The following DAP3 variants were observed in gnomAD, a reference collection of about 807,000 sequenced individuals.
DAP3 encodes the protein death associated protein 3, also known as small ribosomal subunit protein mS29.
In DAP3, 28 loss-of-function variants were observed where a neutral mutation model predicts 51.9. The ratio of observed to expected loss-of-function variants is 0.54; its 90% CI spans 0.40 to 0.74. DAP3 has a LOEUF of 0.74. Among genes scored for constraint, DAP3 ranks in the 30% least tolerant of loss-of-function variants. The pLI is 0.00. For missense variants in DAP3, 458 were observed against 483.5 expected (o/e 0.95, Z 0.49); for synonymous variants, 170 against 170.3 (o/e 1.00, Z 0.01).
intron 1 of DAP3, among the ~76,000 whole-genome samples, chr1:155,699,817 T>G (rs1352772754): frequency 6.6e-6 from 1 of 152,200 alleles, no homozygotes; most frequent in South Asian, 2.1e-4. Flanking sequence ...GGTCTCATTA[T>G]GTTGCCCAGG....
chr1:155,714,884 T>C (rs2149160266), intron 2 of DAP3, among the ~76,000 whole-genome samples: 1 of 151,984 alleles, frequency 6.6e-6, no homozygotes, highest in South Asian at 2.1e-4. Context: ...GGTACAGAGA[T>C]AACATATATT....
chr1:155,712,395 C>G (rs1197302099), intron 2 of DAP3, among the ~76,000 whole-genome samples: 2 of 152,050 alleles, frequency 1.3e-5, no homozygotes, highest in East Asian at 1.9e-4. Flanking sequence ...GGCAGATCAC[C>G]TGAGGTCGGG....
intron 7 of DAP3, among the ~76,000 whole-genome samples, 190 bp downstream of exon 7, chr1:155,727,928 A>G (rs1371994608): frequency 1.3e-5 from 2 of 152,044 alleles, no homozygotes; most frequent in African/African-American, 4.8e-5. Flanking sequence ...ATAAATAGGC[A>G]ACAGTAAGTT....
At chr1:155,718,533 A>G (rs911621679) in intron 3 of DAP3, among the ~76,000 whole-genome samples, 1 of 151,054 alleles carries the variant, frequency 6.6e-6, no homozygotes, top group African/African-American at 2.4e-5. Flanking sequence ...AAATACAAAA[A>G]AAAATTAGTT....
intron 10 of DAP3, 112 bp downstream of exon 10, chr1:155,731,527 G>A (rs1659244699): frequency 2.9e-6 from 3 of 1,052,086 alleles, no homozygotes; most frequent in Admixed American, 2.0e-5. Context: ...TGGACAGTAA[G>A]TTATTATGTC....
intron 1 of DAP3, among the ~76,000 whole-genome samples, chr1:155,698,366 A>G (rs2149117054): frequency 6.6e-6 from 1 of 152,344 alleles, no homozygotes; most frequent in Non-Finnish European, 1.5e-5. Context: ...TAGGGAACTA[A>G]CAAATGTCCA....
At chr1:155,737,155 G>A in intron 12 of DAP3, 92 bp downstream of exon 12, 7 of 895,718 alleles carry the variant, frequency 7.8e-6, no homozygotes, top group African/African-American at 1.7e-5. Flanking sequence ...CTTAACAACA[G>A]CCTCTAATTT....
At chr1:155,688,275 C>A (rs746120801), upstream of DAP3, 1 of 1,592,264 alleles carries the variant, frequency 6.3e-7, no homozygotes. Flanking sequence ...GCGGATCCCG[C>A]AACCGACACT....
chr1:155,714,723 C>T (rs1439149954), intron 2 of DAP3, among the ~76,000 whole-genome samples: 1 of 152,058 alleles, frequency 6.6e-6, no homozygotes, highest in African/African-American at 2.4e-5. Flanking sequence ...CCATTGCATC[C>T]CAGCCTGGGC....
At chr1:155,703,137 G>C (rs1655519372) in intron 1 of DAP3, among the ~76,000 whole-genome samples, 1 of 152,228 alleles carries the variant, frequency 6.6e-6, no homozygotes, top group Admixed American at 6.5e-5. Context: ...TAGGTCTGTT[G>C]CATTTCCAAA....
At chr1:155,707,526 C>T (rs965496768) in intron 1 of DAP3, among the ~76,000 whole-genome samples, 2 of 152,082 alleles carry the variant, frequency 1.3e-5, no homozygotes, top group Admixed American at 1.3e-4. Flanking sequence ...TTTTAAACCT[C>T]TTAGCTCCAA....
chr1:155,688,452 C>T (rs1171516481), upstream of DAP3: 1 of 1,549,048 alleles, frequency 6.5e-7, no homozygotes, highest in African/African-American at 1.4e-5. Context: ...CCGCTTCGCC[C>T]GACTCCGGCC....
At chr1:155,723,215 G>A (rs1658193560) in intron 4 of DAP3, among the ~76,000 whole-genome samples, 1 of 152,024 alleles carries the variant, frequency 6.6e-6, no homozygotes, top group Non-Finnish European at 1.5e-5. Context: ...GTACAGTGGC[G>A]TGACCACAGC....
At chr1:155,729,008 T>G (rs1474610286) in intron 7 of DAP3, 34 bp from the exon 8 acceptor site, 2 of 1,608,856 alleles carry the variant, frequency 1.2e-6, no homozygotes, top group African/African-American at 2.7e-5. Flanking sequence ...AAGTAGCCTT[T>G]TTTTTGGTTT....
upstream of DAP3, chr1:155,688,233 G>C: frequency 5.0e-6 from 8 of 1,612,750 alleles, no homozygotes; most frequent in Non-Finnish European, 6.8e-6. Context: ...AGAAGGGAAA[G>C]GTGGAGGGCT....
chr1:155,715,249 C>G (rs1017216036), intron 2 of DAP3, among the ~76,000 whole-genome samples: 1 of 143,550 alleles, frequency 7.0e-6, no homozygotes, highest in African/African-American at 2.6e-5. Context: ...GAGCCAGGTA[C>G]AGTGGCTCAC....
At chr1:155,688,183 C>G, upstream of DAP3, 1 of 1,613,916 alleles carries the variant, frequency 6.2e-7, no homozygotes, top group Admixed American at 1.7e-5. Flanking sequence ...TGTCAGGAGG[C>G]GGCCAGCGGG....
chr1:155,716,862 A>G (rs1657396168), intron 2 of DAP3, 144 bp from the exon 3 acceptor site: 1 of 1,138,194 alleles, frequency 8.8e-7, no homozygotes, highest in East Asian at 2.6e-5. Context: ...CAGGAGAATC[A>G]CTTGAACCTG....
At chr1:155,692,057 G>C (rs548234525) in intron 1 of DAP3, among the ~76,000 whole-genome samples, 47 of 141,760 alleles carry the variant, frequency 3.3e-4, no homozygotes, top group Non-Finnish European at 4.3e-4. Context: ...GAAGCAGTAC[G>C]TCATACACAT....
Sources: gnomAD v4.1 joint callset for allele counts (sites outside exome capture counted in the v4.1 genomes callset) on GRCh38, gnomAD v4.1.1 for gene constraint, MANE v1.5 for transcripts, NCBI Gene and HGNC (gene_info 2026-07-23, HGNC 2026-07-21) for gene names.